BTD: variants seen among roughly 807,000 people sequenced by gnomAD.
BTD encodes the protein biotinidase.
BTD carries 13 observed loss-of-function variants against 17.7 expected under a neutral mutation model. The ratio of observed to expected loss-of-function variants is 0.74; its 90% CI spans 0.48 to 1.17. The LOEUF (loss-of-function observed/expected upper bound fraction) is 1.17, where lower values mean the gene tolerates loss of function less well. Among genes scored for constraint, BTD ranks in the 50% most tolerant of loss-of-function variants. The pLI is 0.00. For synonymous variants in BTD, 240 were observed against 245.2 expected (o/e 0.98, Z 0.20); for missense variants, 674 against 650.4 (o/e 1.04, Z -0.39).
chr3:15,696,000 T>C, intron 3 of BTD: 2 of 660,218 alleles, frequency 3.0e-6, no homozygotes, highest in Non-Finnish European at 5.3e-6. Context: ...AGTGTGAATT[T>C]AAGAGGTATA....
intron 3 of BTD, among the ~76,000 whole-genome samples, chr3:15,672,634 T>C (rs1427948738): frequency 6.6e-6 from 1 of 152,232 alleles, no homozygotes; most frequent in Non-Finnish European, 1.5e-5. Flanking sequence ...TAAAGGTGCC[T>C]GCTGCTGTTC....
In BTD at chr3:15,609,391, C is replaced by T. The variant is rs111319409; in HGVS notation, c.-17+7497C>T. Reference sequence around the variant, plus strand: ...CCACATTATCCATTCTTTAGATGATCGATATTTGGTCATTTTTAGTTTTTT... The same window carrying T: ...CCACATTATCCATTCTTTAGATGATTGATATTTGGTCATTTTTAGTTTTTT... On this transcript the variant is annotated intron_variant, in intron 1 of 3. Coordinates refer to ENST00000643237, the MANE Select transcript of BTD (RefSeq NM_001370658.1). Among the ~76,000 whole-genome samples the T allele has an allele frequency of 8.5e-5, 13 of 152,178 alleles. No homozygotes were observed. In the East Asian group the frequency reaches 1.9e-3, roughly 23 times the overall value.
At chr3:15,690,167 A>G (rs369849931) in intron 3 of BTD, 1 of 1,608,998 alleles carries the variant, frequency 6.2e-7, no homozygotes, top group African/African-American at 1.3e-5. Flanking sequence ...TGACATCAAG[A>G]TCTAACAAAG....
At chr3:15,680,230 A>G (rs1478264620) in intron 3 of BTD, among the ~76,000 whole-genome samples, 1 of 152,150 alleles carries the variant, frequency 6.6e-6, no homozygotes, top group East Asian at 1.9e-4. Context: ...TTTTAGATGG[A>G]GTCTCACTCT....
chr3:15,643,311 G>A (rs1280881327), intron 3 of BTD, among the ~76,000 whole-genome samples: 1 of 152,120 alleles, frequency 6.6e-6, no homozygotes, highest in African/African-American at 2.4e-5. Context: ...GACCAGCCTG[G>A]CCAACATGGT....
chr3:15,601,508 C>T, upstream of BTD: 1 of 1,609,668 alleles, frequency 6.2e-7, no homozygotes, highest in Non-Finnish European at 8.5e-7. Flanking sequence ...GGCAAACAAG[C>T]GGAATCATCC....
intron 1 of BTD, among the ~76,000 whole-genome samples, chr3:15,602,516 G>T (rs2064296844): frequency 2.0e-5 from 3 of 152,280 alleles, no homozygotes; most frequent in South Asian, 4.1e-4. Context: ...CTGCCTTGGA[G>T]TCATTAGACC....
chr3:15,702,802 C>T (rs2070798216), intron 3 of BTD, among the ~76,000 whole-genome samples: 1 of 152,070 alleles, frequency 6.6e-6, no homozygotes, highest in Admixed American at 6.5e-5. Context: ...TCATGGCATA[C>T]AACAGTTCTT....
chr3:15,660,826 T>C lies in BTD; in HGVS notation c.399+18769T>C, dbSNP rs552230833. ...ACCGCTGATCTTTTTACTGCCCCCA[T>C]AGTTTTGCCTTTTCCAGCATGCCAT... On this transcript the variant is annotated intron_variant, in intron 3 of 3. Coordinates refer to the BTD transcript ENST00000672141. Among the ~76,000 whole-genome samples, 3 of 152,308 alleles carry C rather than the reference T, an allele frequency of 2.0e-5. No individual in the cohort carries two copies. The South Asian group carries it at 6.2e-4, about 32-fold the overall frequency.
rs2067000760 is a variant in BTD, at chr3:15,676,962, G to A, written c.400-33098G>A. ...GGTCACAAAGTTTATACTAGATACT[G>A]ACAGTACTCACGTTTGCAAGGCTGC... is the stretch of plus-strand genomic sequence containing the variant. On this transcript the variant is annotated intron_variant, in intron 3 of 3. Transcript: ENST00000672141. 7 of 1,604,544 alleles carry A rather than the reference G, an allele frequency of 4.4e-6. No individual in the cohort carries two copies. In the East Asian group the frequency reaches 1.1e-4, roughly 26 times the overall value.
chr3:15,680,031 G>A (rs375701571), intron 3 of BTD, among the ~76,000 whole-genome samples: 37 of 152,158 alleles, frequency 2.4e-4, no homozygotes, highest in African/African-American at 8.7e-4. Flanking sequence ...GGACTTGAGC[G>A]CCTGTTGGTT....
At chr3:15,713,538 A>T (rs769084693), downstream of BTD, 1 of 1,611,148 alleles carries the variant, frequency 6.2e-7, no homozygotes, top group Non-Finnish European at 8.5e-7. Flanking sequence ...TTGCAGTGTC[A>T]GCACCACTTG....
downstream of BTD, among the ~76,000 whole-genome samples, chr3:15,714,211 T>C (rs1358093599): frequency 6.6e-6 from 1 of 152,132 alleles, no homozygotes; most frequent in Non-Finnish European, 1.5e-5. Context: ...CTGAAAATAG[T>C]TGCAGATACT....
chr3:15,622,465 C>T (rs2064974423), intron 1 of BTD, among the ~76,000 whole-genome samples: 2 of 152,122 alleles, frequency 1.3e-5, no homozygotes, highest in Non-Finnish European at 2.9e-5. Flanking sequence ...TTTTATGGCT[C>T]ACAGTGTGTT....
In BTD at chr3:15,645,109, G is replaced by A; in HGVS notation, c.1193G>A (p.Cys398Tyr). The change falls in exon 4 of 4, where the codon TGT becomes TAT. Residue 398 changes from cysteine to tyrosine, a missense_variant. Cys to Tyr is a radical substitution (Grantham distance 194, BLOSUM62 -2). Transcript: ENST00000643237. ...GGAAAGGAAGGCTATCTCCACGTCT[G>A]TTCCAATGGCCTCTGCTGTTATTTA... The part of the protein sequence containing the change: ...VWGKEGYLHV[C>Y]SNGLCCYLLY... 6.2e-7 allele frequency: 1 copy of A among 1,614,188 alleles called. No individual in the cohort carries two copies. The highest frequency in any genetic ancestry group is 1.1e-5 in the South Asian group (1 of 91,076).
chr3:15,625,648 C>T (rs182091569), intron 1 of BTD, among the ~76,000 whole-genome samples: 29 of 152,256 alleles, frequency 1.9e-4, no homozygotes, highest in Admixed American at 1.4e-3. Context: ...CTCCACCTCC[C>T]GGGTTCAAGC....
chr3:15,611,794 A>G (rs2064642840), intron 1 of BTD, among the ~76,000 whole-genome samples: 1 of 151,906 alleles, frequency 6.6e-6, no homozygotes, highest in South Asian at 2.1e-4. Flanking sequence ...AAAAGAAAAA[A>G]CAAATAATGT....
downstream of BTD, among the ~76,000 whole-genome samples, chr3:15,716,640 G>T (rs1441087907): frequency 1.3e-5 from 2 of 151,814 alleles, no homozygotes; most frequent in African/African-American, 4.8e-5. Context: ...TGATAAGAAG[G>T]ATAAGAAAAA....
chr3:15,639,147 A>G lies in BTD; in HGVS notation c.250-2761A>G, dbSNP rs149165163. 3.3e-3 allele frequency among the ~76,000 whole-genome samples: 501 copies of G among 152,230 alleles called. 7 individuals carry two copies. Among genetic ancestry groups the G allele is most frequent in the Admixed American group, 0.026 (391 of 15,272 alleles). ...AGAAAATTGCTGAAGCCATTTATCA[A>G]GAATGCAACTTACTTCCTAGATAGG... On this transcript the variant is annotated intron_variant, in intron 2 of 3. Coordinates refer to ENST00000643237, the MANE Select transcript of BTD (RefSeq NM_001370658.1).
Sources: gnomAD v4.1 joint callset for allele counts (sites outside exome capture counted in the v4.1 genomes callset) on GRCh38, gnomAD v4.1.1 for gene constraint, MANE v1.5 for transcripts, NCBI Gene and HGNC (gene_info 2026-07-23, HGNC 2026-07-21) for gene names.